Variants in ELAC2 observed in about 807,000 individuals in gnomAD.
ELAC2 encodes zinc phosphodiesterase ELAC protein 2.
ELAC2 carries 92 observed loss-of-function variants against 105.2 expected under a neutral mutation model. That is an observed-to-expected ratio of 0.87 (90% CI 0.74 to 1.04). ELAC2 has a LOEUF of 1.04. Among genes scored for constraint, ELAC2 ranks in the 50% least tolerant of loss-of-function variants. The pLI, the probability that ELAC2 is intolerant of heterozygous loss-of-function variation, is 0.00. For synonymous variants in ELAC2, 468 were observed against 409.1 expected (o/e 1.14, Z -1.74); for missense variants, 1,099 against 1,071.7 (o/e 1.03, Z -0.36).
chr17:12,993,589 A>G, intron 23 of ELAC2, 98 bp downstream of exon 23: 1 of 1,580,438 alleles, frequency 6.3e-7, no homozygotes. Flanking sequence ...GGTGGCCCCA[A>G]ATAAGAAAGC....
chr17:12,993,394 G>T (rs1032059549), intron 23 of ELAC2, among the ~76,000 whole-genome samples: 1 of 152,196 alleles, frequency 6.6e-6, no homozygotes, highest in African/African-American at 2.4e-5. Flanking sequence ...GCAACCACCT[G>T]TCTCACAGGT....
intron 3 of ELAC2, 92 bp downstream of exon 3, chr17:13,016,770 A>C: frequency 9.7e-7 from 1 of 1,028,814 alleles, no homozygotes; most frequent in Non-Finnish European, 1.4e-6. Context: ...AAAAAAAAGT[A>C]GCTGCCCACC....
chr17:13,003,542 A>T lies in ELAC2; in HGVS notation c.1016T>A (p.Leu339Ter). Residue 339 changes from leucine (L) to a stop codon, truncating the protein, a stop_gained, in exon 12 of 24, where the codon TTG (leucine) becomes TAG (stop). Coordinates refer to ENST00000338034, the MANE Select transcript of ELAC2 (RefSeq NM_018127.7). LOFTEE classifies it high-confidence loss of function. ...AGATGCTGGGGCCATGTGAACCACC[A>T]AGGCCACGGGGGCATCTGCCTTTCC... is the stretch of plus-strand genomic sequence containing the variant. ...YQGKADAPVA[L>*]VVHMAPASVL... 1 of 1,614,184 alleles carries T rather than the reference A, an allele frequency of 6.2e-7. No individual in the cohort carries two copies. The highest frequency in any genetic ancestry group is 1.1e-5 in the South Asian group (1 of 91,084).
In ELAC2 at chr17:13,001,352, C is replaced by T. The variant is rs563397651; in HGVS notation, c.1304+922G>A. Reference sequence around the variant, plus strand: ...CTAAAATTACAAAAAATTAGCCGGGCGTGGTAGCAGGCGCCTGTAATTCCA... The same window carrying T: ...CTAAAATTACAAAAAATTAGCCGGGTGTGGTAGCAGGCGCCTGTAATTCCA... On this transcript the variant is annotated intron_variant, in intron 14 of 23. Transcript: ENST00000338034. Among the ~76,000 whole-genome samples, 248 of 152,078 alleles carry T rather than the reference C, an allele frequency of 1.6e-3. 2 individuals carry two copies. The highest frequency in any genetic ancestry group is 3.3e-3 in the Non-Finnish European group (222 of 68,006).
chr17:12,995,932 A>G lies in ELAC2; in HGVS notation c.1698+8T>C, dbSNP rs1336336393. The G allele has an allele frequency of 6.3e-7, 1 of 1,594,034 alleles. No homozygotes were observed. Among genetic ancestry groups the G allele is most frequent in the Non-Finnish European group, 8.6e-7 (1 of 1,168,740 alleles). The stretch of plus-strand genomic sequence containing the variant: ...AAACTCAGAACGCCCATCAAGTGCC[A>G]CACTTACCAAGGCGCGTTCTCTCTG... On this transcript the variant is annotated splice_region_variant and intron_variant, in intron 18 of 23. Transcript: ENST00000338034.
intron 4 of ELAC2, among the ~76,000 whole-genome samples, chr17:13,015,245 A>G (rs541783751): frequency 6.6e-6 from 1 of 152,364 alleles, no homozygotes; most frequent in East Asian, 1.9e-4. Context: ...GAAGGCCTCA[A>G]TAAGAGACAA....
At chr17:13,015,664 GT>G in intron 4 of ELAC2, 103 bp downstream of exon 4, 1 of 915,470 alleles carries the variant, frequency 1.1e-6, no homozygotes, top group Non-Finnish European at 1.8e-6. Context: ...CAACGACCAG[GT>G]ATCTCTGGAG....
intron 8 of ELAC2, among the ~76,000 whole-genome samples, chr17:13,008,346 C>A (rs1175882067): frequency 4.6e-5 from 7 of 150,660 alleles, no homozygotes; most frequent in Admixed American, 2.0e-4. Context: ...CCCGTCTCTA[C>A]TAAAAAAATA....
At chr17:13,013,131 A>C in intron 6 of ELAC2, 76 bp downstream of exon 6, 1 of 1,531,066 alleles carries the variant, frequency 6.5e-7, no homozygotes, top group Non-Finnish European at 9.0e-7. Flanking sequence ...GCAAGTGTTC[A>C]GTTTCTATTT....
At chr17:12,996,075 C>T (rs1057400573) in intron 17 of ELAC2, 97 bp from the exon 18 acceptor site, 24 of 1,342,452 alleles carry the variant, frequency 1.8e-5, no homozygotes, top group South Asian at 6.3e-5. Flanking sequence ...GTTGCCAGCC[C>T]GACGTCACCC....
At chr17:12,993,314 G>C (rs1598191143) in intron 23 of ELAC2, among the ~76,000 whole-genome samples, 1 of 152,210 alleles carries the variant, frequency 6.6e-6, no homozygotes, top group South Asian at 2.1e-4. Context: ...GAAAAACGAG[G>C]CCTGGCTCCG....
At chr17:13,011,622 A>T in intron 7 of ELAC2, 41 bp downstream of exon 7, 1 of 1,614,114 alleles carries the variant, frequency 6.2e-7, no homozygotes, top group South Asian at 1.1e-5. Context: ...AATTAAGAAA[A>T]CGCAAGCCTT....
chr17:13,015,884 T>G, intron 3 of ELAC2, 52 bp from the exon 4 acceptor site: 4 of 1,411,560 alleles, frequency 2.8e-6, no homozygotes, highest in Non-Finnish European at 4.0e-6. Context: ...CTGTCGTCAC[T>G]AACAGGAGGA....
chr17:12,995,154 C>T (rs2040407615), intron 19 of ELAC2, 92 bp from the exon 20 acceptor site: 4 of 1,277,254 alleles, frequency 3.1e-6, no homozygotes, highest in Admixed American at 3.4e-5. Flanking sequence ...ACCCCAAAAT[C>T]ATTCTTAGGA....
intron 8 of ELAC2, 22 bp downstream of exon 8, chr17:13,010,591 C>A: frequency 1.2e-6 from 2 of 1,612,872 alleles, no homozygotes; most frequent in African/African-American, 1.3e-5. Flanking sequence ...TCATGTACAG[C>A]CCTCCGGAAA....
rs2040361948 is a variant in ELAC2 at position 12,994,403 on chromosome 17, A to G, written c.2108+22T>C. On this transcript the variant is annotated intron_variant, in intron 22 of 23. Transcript: ENST00000338034. ...GGGGAGGGAGAGGATGTGGGCGACA[A>G]GGACTGACCGGCCTTTGCTACCTGT... The G allele has an allele frequency of 2.5e-6, 4 of 1,614,028 alleles. No individual in the cohort carries two copies. The African/African-American group carries it at 5.3e-5, about 22-fold the overall frequency.
rs1287463336 is a variant in ELAC2 at position 12,992,906 on chromosome 17, TC to T, written c.2392del (p.Glu798SerfsTer59). On this transcript the variant is annotated frameshift_variant, in exon 24 of 24. Transcript: ENST00000338034. LOFTEE classifies it low-confidence loss of function (END_TRUNC). ...RQVRAALLSR[E>X]LAGGLEDGEP... ...CCCATCCTCCAGGCCGCCTGCCAGC[TC>T]CCTGGACAGGAGGGCCGCCCGCACC... The T allele has an allele frequency of 6.2e-7, 1 of 1,611,730 alleles. No homozygotes were observed. Among genetic ancestry groups the T allele is most frequent in the Non-Finnish European group, 8.5e-7 (1 of 1,180,010 alleles).
At chr17:13,015,199 C>T (rs1242382254) in intron 4 of ELAC2, among the ~76,000 whole-genome samples, 1 of 152,154 alleles carries the variant, frequency 6.6e-6, no homozygotes, top group Non-Finnish European at 1.5e-5. Flanking sequence ...ATATGGGAGG[C>T]TATTGTAGTT....
intron 17 of ELAC2, 26 bp downstream of exon 17, chr17:12,996,521 G>A: frequency 6.2e-7 from 1 of 1,613,442 alleles, no homozygotes; most frequent in Non-Finnish European, 8.5e-7. Context: ...CCAGGCTCCA[G>A]CTTTGTGGTC....
Sources: gnomAD v4.1 joint callset for allele counts (sites outside exome capture counted in the v4.1 genomes callset) on GRCh38, gnomAD v4.1.1 for gene constraint, MANE v1.5 for transcripts, NCBI Gene and HGNC (gene_info 2026-07-23, HGNC 2026-07-21) for gene names.